LRMDA: variants seen among roughly 807,000 people sequenced by gnomAD.
The protein encoded by LRMDA is leucine-rich melanocyte differentiation-associated protein.
A neutral mutation model predicts 29.8 loss-of-function variants in LRMDA; 18 were observed. The observed-to-expected ratio is 0.60, with a 90% CI of 0.42 to 0.90. The LOEUF (loss-of-function observed/expected upper bound fraction) is 0.90. Among genes scored for constraint, LRMDA ranks in the 40% least tolerant of loss-of-function variants. The pLI is 0.00. For missense variants in LRMDA, 273 were observed against 273.9 expected, an observed-to-expected ratio of 1.00 and a Z score of 0.02; for synonymous variants, 125 against 109.4, an observed-to-expected ratio of 1.14 and a Z score of -0.89.
intron 2 of LRMDA, among the ~76,000 whole-genome samples, chr10:75,498,322 T>G (rs191300629): frequency 2.3e-4 from 35 of 152,252 alleles, no homozygotes; most frequent in African/African-American, 8.2e-4. Flanking sequence ...TGCTTGAGAG[T>G]GTCCGTGTCC....
chr10:75,439,576 T>G (rs987353712), intron 2 of LRMDA, among the ~76,000 whole-genome samples: 1 of 152,154 alleles, frequency 6.6e-6, no homozygotes, highest in African/African-American at 2.4e-5. Context: ...GCGGAACTCC[T>G]TGGATGCTGC....
chr10:76,220,174 C>T (rs1371113115), intron 5 of LRMDA, among the ~76,000 whole-genome samples: 1 of 151,942 alleles, frequency 6.6e-6, no homozygotes, highest in East Asian at 1.9e-4. Flanking sequence ...AGGAAAGATC[C>T]AAAATTGACA....
chr10:75,454,039 A>G (rs1214320404), intron 2 of LRMDA, among the ~76,000 whole-genome samples: 4 of 152,190 alleles, frequency 2.6e-5, no homozygotes, highest in African/African-American at 9.6e-5. Context: ...ACAAAAGGGT[A>G]TGATCTAATG....
Position 75,654,666 on chromosome 10 carries a change from T to C in LRMDA, c.131+216172T>C, listed in dbSNP as rs571160891. On this transcript the variant is annotated intron_variant, in intron 2 of 6. Coordinates refer to ENST00000611255, the MANE Select transcript of LRMDA (RefSeq NM_001305581.2). ...AAGAAGTAAAACCAAACCACAGTCA[T>C]ACACAGATGTGAACACCAGCATCAC... 2.0e-5 allele frequency among the ~76,000 whole-genome samples: 3 copies of C among 152,322 alleles called. No individual in the cohort carries two copies. In the South Asian group the frequency reaches 6.2e-4, roughly 32 times the overall value.
intron 5 of LRMDA, among the ~76,000 whole-genome samples, chr10:76,146,010 T>A (rs1486809176): frequency 2.6e-5 from 4 of 151,732 alleles, no homozygotes; most frequent in Admixed American, 2.6e-4. Context: ...TTTGAGTGAG[T>A]TTCTTAATCC....
At chr10:76,360,780 C>T (rs538895189) in intron 6 of LRMDA, among the ~76,000 whole-genome samples, 1 of 152,294 alleles carries the variant, frequency 6.6e-6, no homozygotes, top group Admixed American at 6.5e-5. Flanking sequence ...CTCCCTCCCT[C>T]ACCTGCTACA....
intron 5 of LRMDA, among the ~76,000 whole-genome samples, chr10:76,146,835 T>G (rs1850332561): frequency 6.6e-6 from 1 of 152,226 alleles, no homozygotes; most frequent in Admixed American, 6.5e-5. Context: ...GGTCGTTCCT[T>G]TCCATGTTTA....
intron 2 of LRMDA, among the ~76,000 whole-genome samples, chr10:75,959,743 A>G (rs1362294742): frequency 3.3e-5 from 5 of 152,166 alleles, no homozygotes; most frequent in African/African-American, 4.8e-5. Flanking sequence ...TTGCTTATCT[A>G]TGTGAATGAC....
At position 75,488,960 on chromosome 10, in the gene LRMDA, G is replaced by A. The variant is rs566014218; in HGVS notation, c.131+50466G>A. Reference sequence around the variant, plus strand: ...CAACTGAAATTGGCAAACTGTGACCGTTTGTGACGAGTTATCTCAGTCCTC... The same window carrying A: ...CAACTGAAATTGGCAAACTGTGACCATTTGTGACGAGTTATCTCAGTCCTC... On this transcript the variant is annotated intron_variant, in intron 2 of 6. Coordinates refer to ENST00000611255, the MANE Select transcript of LRMDA (RefSeq NM_001305581.2). 1.8e-3 allele frequency among the ~76,000 whole-genome samples: 270 copies of A among 152,258 alleles called. 1 individual carries two copies. The highest frequency in any genetic ancestry group is 6.0e-3 in the African/African-American group (251 of 41,560).
intron 5 of LRMDA, among the ~76,000 whole-genome samples, chr10:76,092,570 G>A (rs1487986000): frequency 6.6e-6 from 1 of 152,184 alleles, no homozygotes; most frequent in African/African-American, 2.4e-5. Flanking sequence ...ATGTTTGAAG[G>A]CAATACAACC....
At chr10:75,562,199 A>G (rs1323267805) in intron 2 of LRMDA, among the ~76,000 whole-genome samples, 1 of 152,200 alleles carries the variant, frequency 6.6e-6, no homozygotes, top group Non-Finnish European at 1.5e-5. Flanking sequence ...GACTTGCTTT[A>G]TGAATCTGGG....
chr10:75,576,241 C>T (rs1213987630), intron 2 of LRMDA, among the ~76,000 whole-genome samples: 1 of 152,200 alleles, frequency 6.6e-6, no homozygotes, highest in Non-Finnish European at 1.5e-5. Flanking sequence ...ACAGTGTAAA[C>T]AAAGCCACCA....
At chr10:76,493,477 T>G (rs1256619815) in intron 6 of LRMDA, among the ~76,000 whole-genome samples, 1 of 152,088 alleles carries the variant, frequency 6.6e-6, no homozygotes, top group Non-Finnish European at 1.5e-5. Flanking sequence ...ATGATCCCAT[T>G]TTTAAGAAGA....
At chr10:76,543,098 C>G (rs1564571809) in intron 6 of LRMDA, among the ~76,000 whole-genome samples, 2 of 152,130 alleles carry the variant, frequency 1.3e-5, no homozygotes, top group African/African-American at 4.8e-5. Context: ...TGCTGATTTT[C>G]CTTAAATTAT....
intron 6 of LRMDA, among the ~76,000 whole-genome samples, chr10:76,384,434 A>G (rs1030133748): frequency 5.9e-5 from 9 of 152,204 alleles, no homozygotes; most frequent in African/African-American, 1.2e-4. Flanking sequence ...TTTATACCGA[A>G]TGTTATATCC....
chr10:76,275,913 G>C (rs1073644), intron 5 of LRMDA, among the ~76,000 whole-genome samples: 1 of 151,572 alleles, frequency 6.6e-6, no homozygotes, highest in Non-Finnish European at 1.5e-5. Context: ...TTGTTTTCCT[G>C]TTTTCCAGGT....
In LRMDA at chr10:75,732,310, A is replaced by G. The variant is rs116680481; in HGVS notation, c.131+293816A>G. ...AAGGAAGCATCAATTGATGCGGAAGACCAAACCATGGGTAGGAATCCTGGG... is the reference window on the plus strand; with the variant it reads ...AAGGAAGCATCAATTGATGCGGAAGGCCAAACCATGGGTAGGAATCCTGGG... On this transcript the variant is annotated intron_variant, in intron 2 of 6. Coordinates refer to ENST00000611255, the MANE Select transcript of LRMDA (RefSeq NM_001305581.2). Among the ~76,000 whole-genome samples, 214 of 152,290 alleles carry G rather than the reference A, an allele frequency of 1.4e-3. 2 individuals carry two copies. The highest frequency in any genetic ancestry group is 5.0e-3 in the African/African-American group (209 of 41,560).
intron 5 of LRMDA, among the ~76,000 whole-genome samples, chr10:76,114,343 G>C (rs2132117037): frequency 6.6e-6 from 1 of 152,334 alleles, no homozygotes; most frequent in East Asian, 1.9e-4. Context: ...TTCTGGGCTA[G>C]TGGTAGAGGA....
chr10:75,570,640 ACTC>A (rs1350918054), intron 2 of LRMDA, among the ~76,000 whole-genome samples: 1 of 152,156 alleles, frequency 6.6e-6, no homozygotes, highest in Non-Finnish European at 1.5e-5. Context: ...TAGTCCTAGA[ACTC>A]CTAGACGAGC....
Sources: gnomAD v4.1 joint callset for allele counts (sites outside exome capture counted in the v4.1 genomes callset) on GRCh38, gnomAD v4.1.1 for gene constraint, MANE v1.5 for transcripts, NCBI Gene and HGNC (gene_info 2026-07-23, HGNC 2026-07-21) for gene names.